HIPK3: variants seen among roughly 807,000 people sequenced by gnomAD.
HIPK3 encodes the protein homeodomain interacting protein kinase 3, also known as homeodomain-interacting protein kinase 3.
HIPK3 carries 47 observed loss-of-function variants against 124.2 expected under a neutral mutation model. The ratio of observed to expected loss-of-function variants is 0.38; its 90% confidence interval spans 0.30 to 0.48. The LOEUF is 0.48. Among genes scored for constraint, HIPK3 ranks in the 20% least tolerant of loss-of-function variants. The probability of loss-of-function intolerance (pLI) is 0.98; values close to 1 mark genes in which losing one functional copy is unlikely to be tolerated. For missense variants in HIPK3, 1,286 were observed against 1,454.3 expected (o/e 0.88, Z 1.88); for synonymous variants, 482 against 515.2 (o/e 0.94, Z 0.87).
In HIPK3 at chr11:33,286,864, T is replaced by A; in HGVS notation, c.450T>A (p.Leu150=). The change falls in exon 2 of 17, where the codon CTT becomes CTA. Residue 150 remains leucine, a synonymous_variant. Transcript: ENST00000303296. The part of the protein sequence containing the change: ...AMQIVDELSI[L]PAMLQTNMGN... ...AGATTGTCGATGAATTGTCCATACT[T>A]CCTGCAATGTTGCAAACCAACATGG... The A allele has an allele frequency of 3.7e-6, 6 of 1,614,184 alleles. No individual in the cohort carries two copies. Among genetic ancestry groups the A allele is most frequent in the Non-Finnish European group, 5.1e-6 (6 of 1,180,028 alleles).
intron 1 of HIPK3, among the ~76,000 whole-genome samples, chr11:33,280,446 A>C (rs1851382125): frequency 6.6e-6 from 1 of 152,216 alleles, no homozygotes; most frequent in Admixed American, 6.5e-5. Flanking sequence ...TCAGGGAGTC[A>C]CAGTGGTCAA....
intron 1 of HIPK3, among the ~76,000 whole-genome samples, chr11:33,273,955 A>G (rs1367229664): frequency 6.6e-6 from 1 of 152,152 alleles, no homozygotes; most frequent in Non-Finnish European, 1.5e-5. Context: ...TGGTTTTTAG[A>G]ATTTTCATTC....
intron 1 of HIPK3, among the ~76,000 whole-genome samples, chr11:33,265,772 CAAAAAAAA>C (rs55837408): frequency 3.1e-5 from 2 of 64,774 alleles, no homozygotes; most frequent in Non-Finnish European, 2.8e-5. Context: ...GACCTTGTCT[CAAAAAAAA>C]AAAAAAAAAA....
intron 2 of HIPK3, among the ~76,000 whole-genome samples, chr11:33,298,675 A>G (rs537036634): frequency 3.9e-5 from 6 of 152,360 alleles, no homozygotes; most frequent in African/African-American, 9.6e-5. Context: ...CTCATGGATG[A>G]CTTCGAGGGG....
At chr11:33,284,069 C>T (rs1333839815) in intron 1 of HIPK3, among the ~76,000 whole-genome samples, 4 of 152,152 alleles carry the variant, frequency 2.6e-5, no homozygotes, top group African/African-American at 4.8e-5. Flanking sequence ...AGTAAGTGCT[C>T]AGTAGGTAGT....
At chr11:33,296,432 G>T (rs1248549517) in intron 2 of HIPK3, among the ~76,000 whole-genome samples, 1 of 152,118 alleles carries the variant, frequency 6.6e-6, no homozygotes, top group Non-Finnish European at 1.5e-5. Context: ...TAGGTCTTTT[G>T]AGTGGCAAAG....
At chr11:33,345,673 G>A (rs1000275868) in intron 8 of HIPK3, among the ~76,000 whole-genome samples, 1 of 151,880 alleles carries the variant, frequency 6.6e-6, no homozygotes, top group African/African-American at 2.4e-5. Flanking sequence ...ACACTGCCTG[G>A]GTGTGCTTAT....
At chr11:33,337,473 A>C (rs1853187830) in intron 4 of HIPK3, among the ~76,000 whole-genome samples, 2 of 151,334 alleles carry the variant, frequency 1.3e-5, no homozygotes, top group Admixed American at 6.6e-5. Flanking sequence ...CGCCTGCCTC[A>C]GCCTCCCAAG....
chr11:33,295,539 C>A (rs1032511646), intron 2 of HIPK3, among the ~76,000 whole-genome samples: 1 of 152,270 alleles, frequency 6.6e-6, no homozygotes, highest in East Asian at 1.9e-4. Flanking sequence ...TCGGAGTCAG[C>A]GCACCTGCGC....
intron 2 of HIPK3, among the ~76,000 whole-genome samples, chr11:33,324,560 G>C (rs1450885579): frequency 6.6e-6 from 1 of 152,358 alleles, no homozygotes; most frequent in African/African-American, 2.4e-5. Flanking sequence ...AGAGTCCCCT[G>C]TGTAGAGCAG....
chr11:33,319,270 G>C (rs1852593816), intron 2 of HIPK3, among the ~76,000 whole-genome samples: 1 of 152,224 alleles, frequency 6.6e-6, no homozygotes, highest in Admixed American at 6.5e-5. Flanking sequence ...ACCGAGGCAG[G>C]TGGGTCATGA....
intron 2 of HIPK3, among the ~76,000 whole-genome samples, chr11:33,318,376 G>C (rs1315806512): frequency 6.6e-6 from 1 of 152,102 alleles, no homozygotes; most frequent in Non-Finnish European, 1.5e-5. Flanking sequence ...TGGCCCAAAA[G>C]TCCAGTAGTT....
At chr11:33,288,340 A>C (rs1851611063) in intron 2 of HIPK3, among the ~76,000 whole-genome samples, 1 of 152,162 alleles carries the variant, frequency 6.6e-6, no homozygotes, top group Non-Finnish European at 1.5e-5. Flanking sequence ...CTATAATCCC[A>C]GCAACTTGGG....
chr11:33,258,198 GGCCTC>G, intron 1 of HIPK3: 1 of 635,658 alleles, frequency 1.6e-6, no homozygotes, highest in Non-Finnish European at 2.0e-6. Context: ...GGGGCCCGGG[GGCCTC>G]GGCCCCCCCT....
chr11:33,308,297 A>G (rs1223137427), intron 2 of HIPK3, among the ~76,000 whole-genome samples: 1 of 152,168 alleles, frequency 6.6e-6, no homozygotes, highest in Non-Finnish European at 1.5e-5. Flanking sequence ...TGTCATTACC[A>G]TAACTGATAG....
At chr11:33,262,945 T>G (rs1458944567) in intron 1 of HIPK3, among the ~76,000 whole-genome samples, 2 of 152,200 alleles carry the variant, frequency 1.3e-5, no homozygotes, top group African/African-American at 2.4e-5. Context: ...AGTCTCCAAA[T>G]AGCTGAGACT....
intron 1 of HIPK3, among the ~76,000 whole-genome samples, chr11:33,275,820 G>T (rs1282996120): frequency 6.6e-6 from 1 of 152,182 alleles, no homozygotes; most frequent in African/African-American, 2.4e-5. Flanking sequence ...TTTAAATGAA[G>T]AAATTTGCCC....
intron 5 of HIPK3, 129 bp downstream of exon 5, chr11:33,338,972 T>C (rs1177567350): frequency 1.8e-6 from 1 of 559,404 alleles, no homozygotes; most frequent in Admixed American, 3.1e-5. Context: ...GTTTTTCAAA[T>C]GAAACTGATT....
At chr11:33,336,184 A>G (rs1301170242) in intron 3 of HIPK3, among the ~76,000 whole-genome samples, 1 of 152,194 alleles carries the variant, frequency 6.6e-6, no homozygotes, top group South Asian at 2.1e-4. Flanking sequence ...CAATAAGGCA[A>G]CATTTGAACC....
Sources: allele counts gnomAD v4.1 joint callset (sites outside exome capture counted in the v4.1 genomes callset), GRCh38; gene constraint gnomAD v4.1.1; transcripts MANE v1.5; gene names NCBI Gene and HGNC (gene_info 2026-07-23, HGNC 2026-07-21).